Variants in COL6A3 observed in about 807,000 individuals in gnomAD.
The protein encoded by COL6A3 is collagen type VI alpha 3 chain.
Under a neutral mutation model 274.1 loss-of-function variants are expected in COL6A3, and 137 were observed. The observed-to-expected ratio is 0.50, with a 90% CI of 0.44 to 0.58. The LOEUF is 0.58. Among genes scored for constraint, COL6A3 ranks in the 20% least tolerant of loss-of-function variants. The pLI, the probability that COL6A3 is intolerant of heterozygous loss-of-function variation, is 0.00. For missense variants in COL6A3, 3,950 were observed against 4,124.9 expected, an observed-to-expected ratio of 0.96 and a Z score of 1.16; for synonymous variants, 1,650 against 1,650.6, an observed-to-expected ratio of 1.00 and a Z score of 0.01.
rs1343030773 is a variant in COL6A3, at chr2:237,368,552, A to T, written c.4900+11T>A. The T allele has an allele frequency of 6.2e-7, 1 of 1,613,896 alleles. No homozygotes were observed. The highest frequency in any genetic ancestry group is 1.7e-5 in the Admixed American group (1 of 60,024). On this transcript the variant is annotated intron_variant, in intron 10 of 43. Coordinates refer to ENST00000295550, the MANE Select transcript of COL6A3 (RefSeq NM_004369.4). The surrounding 1 kb of genome is among the most constrained non-coding windows in gnomAD (Gnocchi z 4.4). ...GTCACACTCTGTAGTCATGGGTCACACGGTGCATACCTGGCCGTGAAGGAG... is the reference window on the plus strand; with the variant it reads ...GTCACACTCTGTAGTCATGGGTCACTCGGTGCATACCTGGCCGTGAAGGAG...
Position 237,371,687 on chromosome 2 carries a change from A to C in COL6A3, c.4285+45T>G. 1 of 1,535,380 alleles carries C rather than the reference A, an allele frequency of 6.5e-7. No homozygotes were observed. Among genetic ancestry groups the C allele is most frequent in the Non-Finnish European group, 8.7e-7 (1 of 1,144,500 alleles). The stretch of plus-strand genomic sequence containing the variant: ...ATGGCCTTTGAGCCTGTTATTTTTC[A>C]TATGGAAAATGCTCCAAGGAGAACC... On this transcript the variant is annotated intron_variant, in intron 9 of 43. Coordinates refer to ENST00000295550, the MANE Select transcript of COL6A3 (RefSeq NM_004369.4). The surrounding 1 kb of genome is among the most constrained non-coding windows in gnomAD (Gnocchi z 4.3).
intron 23 of COL6A3, chr2:237,355,317 A>G (rs1277938122): frequency 2.7e-5 from 6 of 223,712 alleles, no homozygotes; most frequent in Non-Finnish European, 4.4e-5. Flanking sequence ...CACCTTCCCA[A>G]CTGTACTGAG....
Position 237,354,874 on chromosome 2 carries a change from C to T in COL6A3, c.6627+25G>A, listed in dbSNP as rs189069700. On this transcript the variant is annotated intron_variant, in intron 24 of 43. Coordinates refer to ENST00000295550, the MANE Select transcript of COL6A3 (RefSeq NM_004369.4). ...CATCTGGGCTGTTTGAAGAGAGTCT[C>T]CAGGGGGCACTGCATGAGGCTCACC... 9 of 1,611,042 alleles carry T rather than the reference C, an allele frequency of 5.6e-6. No homozygotes were observed. In the East Asian group the frequency reaches 1.3e-4, roughly 24 times the overall value.
At chr2:237,409,954 A>G (rs536259191) in intron 1 of COL6A3, among the ~76,000 whole-genome samples, 38 of 152,344 alleles carry the variant, frequency 2.5e-4, no homozygotes, top group African/African-American at 9.1e-4. Flanking sequence ...GGGAACAAAG[A>G]TGCCTCCTTT....
Position 237,374,756 on chromosome 2 carries a change from A to G in COL6A3, c.3335T>C (p.Leu1112Pro). 1 of 1,613,880 alleles carries G rather than the reference A, an allele frequency of 6.2e-7. No homozygotes were observed. The highest frequency in any genetic ancestry group is 8.5e-7 in the Non-Finnish European group (1 of 1,179,882). ...GGPTPNTGAALEFVLRNILVS... is the reference protein window; with the variant it reads ...GGPTPNTGAAPEFVLRNILVS... ...CAGGATGTTCCTCAGGACAAACTCC[A>G]GGGCGGCCCCGGTGTTGGGGGTCGG... is the stretch of plus-strand genomic sequence containing the variant. The change falls in exon 8 of 44, where the codon CTG (leucine) becomes CCG (proline). Residue 1112 changes from leucine (L) to proline (P), a missense_variant. Leu to Pro is a moderately conservative substitution (Grantham distance 98, BLOSUM62 -3). Coordinates refer to ENST00000295550, the MANE Select transcript of COL6A3 (RefSeq NM_004369.4). This position sits in a 1 kb window ranked among gnomAD's most constrained non-coding sequence, Gnocchi z 4.8.
In COL6A3 at chr2:237,371,481, C is replaced by T; in HGVS notation, c.4285+251G>A. ...GGCGTGGTGGTATGAACCTGTAGTC[C>T]TAGCTACTGAGGAGGCTGAAGTGGG... is the stretch of plus-strand genomic sequence containing the variant. On this transcript the variant is annotated intron_variant, in intron 9 of 43. Coordinates refer to ENST00000295550, the MANE Select transcript of COL6A3 (RefSeq NM_004369.4). This position sits in a 1 kb window ranked among gnomAD's most constrained non-coding sequence, Gnocchi z 4.3. 1 of 653,766 alleles carries T rather than the reference C, an allele frequency of 1.5e-6. No individual in the cohort carries two copies. Among genetic ancestry groups the T allele is most frequent in the Non-Finnish European group, 2.3e-6 (1 of 432,612 alleles). The allele number at this position is 653,766 out of a possible 1,614,324, so 40.5% of individuals were successfully genotyped here. A position where few individuals can be genotyped will look rare whatever the true frequency, so the allele number is the denominator to read the frequency against.
chr2:237,335,140 T>C (rs1034935751), intron 40 of COL6A3, among the ~76,000 whole-genome samples: 12 of 152,158 alleles, frequency 7.9e-5, no homozygotes, highest in Non-Finnish European at 1.5e-4. Flanking sequence ...CTATTAAAAA[T>C]CTCGCCTGTT....
Position 237,366,897 on chromosome 2 carries a change from G to A in COL6A3, c.5290C>T (p.Leu1764=), listed in dbSNP as rs1253415213. ...KSVEDAQDVS[L]ALTQRGVKVF... is the part of the protein sequence containing the mutation. ...TTGACCCCCCTCTGGGTGAGGGCCA[G>A]GCTCACATCCTGTGCATCTTCCACC... Residue 1764 remains leucine, a synonymous_variant, in exon 11 of 44, where the codon CTG becomes TTG. Transcript: ENST00000295550. 1 of 1,614,246 alleles carries A rather than the reference G, an allele frequency of 6.2e-7. No individual in the cohort carries two copies.
At position 237,413,899 on chromosome 2, in the gene COL6A3, G is replaced by C. The variant is rs973064820; in HGVS notation, c.-31+54C>G. On this transcript the variant is annotated intron_variant, in intron 1 of 43. Coordinates refer to ENST00000295550, the MANE Select transcript of COL6A3 (RefSeq NM_004369.4). The surrounding 1 kb of genome is among the most constrained non-coding windows in gnomAD (Gnocchi z 4.0). ...CCTAGAAAGGATCACTTCAGGTTAA[G>C]AGCATTTCCTTCTAGCCCCAAACCT... 3 of 152,180 alleles carry C rather than the reference G, an allele frequency of 2.0e-5. No individual in the cohort carries two copies. Among genetic ancestry groups the C allele is most frequent in the Non-Finnish European group, 4.4e-5 (3 of 68,044 alleles). 9.4% of individuals were successfully genotyped at this position (152,180 alleles called of 1,614,324 possible). A position where few individuals can be genotyped will look rare whatever the true frequency, so the allele number is the denominator to read the frequency against.
chr2:237,372,328 C>T lies in COL6A3; in HGVS notation c.3689G>A (p.Gly1230Asp). Residue 1230 changes from glycine to aspartate, a missense_variant, in exon 9 of 44, where the codon GGC becomes GAC. By Grantham distance (94) the Gly-to-Asp change is moderately conservative (BLOSUM62 -1). Transcript: ENST00000295550. ...LQPLPSPGVGGKRDVVFLIDG... is the reference protein window; with the variant it reads ...LQPLPSPGVGDKRDVVFLIDG... ...GATGAGAAAGACCACGTCCCTCTTG[C>T]CACCAACACCTGCGAAACAAATGTG... 2 of 1,605,876 alleles carry T rather than the reference C, an allele frequency of 1.2e-6. No individual in the cohort carries two copies. The highest frequency in any genetic ancestry group is 1.7e-4 in the Middle Eastern group (1 of 6,060).
chr2:237,352,606 G>A (rs780026259), intron 25 of COL6A3, 22 bp from the exon 26 acceptor site: 54 of 1,609,256 alleles, frequency 3.4e-5, no homozygotes, highest in Admixed American at 1.0e-4. Context: ...AAAGACCATC[G>A]TGAGTGCTAA....
At chr2:237,395,925 A>G (rs1430494588) in intron 2 of COL6A3, among the ~76,000 whole-genome samples, 1 of 152,202 alleles carries the variant, frequency 6.6e-6, no homozygotes, top group African/African-American at 2.4e-5. Flanking sequence ...TCAGGGTATC[A>G]GGCTGTCAGT....
chr2:237,368,451 A>C lies in COL6A3; in HGVS notation c.4900+112T>G. On this transcript the variant is annotated intron_variant, in intron 10 of 43. Coordinates refer to ENST00000295550, the MANE Select transcript of COL6A3 (RefSeq NM_004369.4). The surrounding 1 kb of genome is among the most constrained non-coding windows in gnomAD (Gnocchi z 4.4). ...AGTATTTAATTTCTAATATTATCTG[A>C]AGAAACAACCCAGAGAGAAGAAAAT... is the stretch of plus-strand genomic sequence containing the variant. The C allele has an allele frequency of 8.3e-6, 11 of 1,331,528 alleles. No individual in the cohort carries two copies. Among genetic ancestry groups the C allele is most frequent in the Non-Finnish European group, 1.1e-5 (11 of 977,448 alleles). The allele number at this position is 1,331,528 out of a possible 1,614,324, so 82.5% of individuals were successfully genotyped here. A position where few individuals can be genotyped will look rare whatever the true frequency, so the allele number is the denominator to read the frequency against.
intron 8 of COL6A3, among the ~76,000 whole-genome samples, chr2:237,373,634 T>C (rs1358553652): frequency 6.6e-6 from 1 of 152,098 alleles, no homozygotes; most frequent in Non-Finnish European, 1.5e-5. Flanking sequence ...TTTTCTCTCC[T>C]CTTGGAAGAG....
Position 237,364,571 on chromosome 2 carries a change from C to G in COL6A3, c.5839-143G>C. 1 of 709,564 alleles carries G rather than the reference C, an allele frequency of 1.4e-6. No homozygotes were observed. Among genetic ancestry groups the G allele is most frequent in the Non-Finnish European group, 2.5e-6 (1 of 393,810 alleles). 44.0% of individuals were successfully genotyped at this position (709,564 alleles called of 1,614,324 possible). A position where few individuals can be genotyped will look rare whatever the true frequency, so the allele number is the denominator to read the frequency against. On this transcript the variant is annotated intron_variant, in intron 12 of 43. Coordinates refer to ENST00000295550, the MANE Select transcript of COL6A3 (RefSeq NM_004369.4). This position sits in a 1 kb window ranked among gnomAD's most constrained non-coding sequence, Gnocchi z 4.6. ...AGGGCCCAAGTTGAGGAATGATTAC[C>G]CATGTTCACAAGACTTTGATATTGC...
In COL6A3 at chr2:237,340,817, T is replaced by A; in HGVS notation, c.8099A>T (p.Asp2700Val). The A allele has an allele frequency of 6.2e-7, 1 of 1,614,178 alleles. No individual in the cohort carries two copies. The highest frequency in any genetic ancestry group is 8.5e-7 in the Non-Finnish European group (1 of 1,180,024). ...TDYGSKEKLV[D>V]FLSRGMTQLQ... is the part of the protein sequence containing the mutation. ...CTGTGTCATTCCCCTGCTGAGGAAGTCCACCAGCTTCTCCTTGGAGCCATA... is the reference window on the plus strand; with the variant it reads ...CTGTGTCATTCCCCTGCTGAGGAAGACCACCAGCTTCTCCTTGGAGCCATA... Residue 2700 changes from aspartate (D) to valine (V), a missense_variant, in exon 38 of 44, where the codon GAC becomes GTC. By Grantham distance (152) the Asp-to-Val change is radical. Coordinates refer to ENST00000295550, the MANE Select transcript of COL6A3 (RefSeq NM_004369.4).
intron 2 of COL6A3, 118 bp from the exon 3 acceptor site, chr2:237,395,322 C>T: frequency 9.6e-7 from 1 of 1,039,056 alleles, no homozygotes; most frequent in East Asian, 2.6e-5. Context: ...CACTTCACAC[C>T]TCACTGATAA....
At chr2:237,332,070 C>CATATATATATATATATAT (rs58082340) in intron 42 of COL6A3, among the ~76,000 whole-genome samples, 20 of 35,180 alleles carry the variant, frequency 5.7e-4, no homozygotes, top group Admixed American at 9.1e-4. Context: ...TCTCTCTCTA[C>CATATATATATATATATAT]ATATATATAT....
rs796628254 is a variant in COL6A3 at position 237,411,878 on chromosome 2, G to A, written c.-31+2075C>T. 4.6e-5 allele frequency among the ~76,000 whole-genome samples: 7 copies of A among 152,112 alleles called. No individual in the cohort carries two copies. In the South Asian group the frequency reaches 6.2e-4, roughly 13 times the overall value. On this transcript the variant is annotated intron_variant, in intron 1 of 43. Coordinates refer to ENST00000295550, the MANE Select transcript of COL6A3 (RefSeq NM_004369.4). ...GCTCCCTGCCAAGCAGGGAAAGAGC[G>A]GGGCCAAGGGCTAACATTCTAGAGG...
Sources: gnomAD v4.1 joint callset for allele counts (sites outside exome capture counted in the v4.1 genomes callset) on GRCh38, gnomAD v4.1.1 for gene constraint, Gnocchi (gnomAD v3.1) non-coding constraint, MANE v1.5 for transcripts, NCBI Gene and HGNC (gene_info 2026-07-23, HGNC 2026-07-21) for gene names.